Variants in FRMPD4 observed in about 807,000 individuals in gnomAD.
FRMPD4 encodes FERM and PDZ domain-containing protein 4.
Under a neutral mutation model 94.1 loss-of-function variants are expected in FRMPD4, and 22 were observed. That is an observed-to-expected ratio of 0.23 (90% CI 0.17 to 0.33). The LOEUF is 0.33. Among genes scored for constraint, FRMPD4 ranks in the 10% least tolerant of loss-of-function variants. The pLI is 1.00. For missense variants in FRMPD4, 1,111 were observed against 1,339.9 expected, an observed-to-expected ratio of 0.83 and a Z score of 2.67; for synonymous variants, 631 against 548.6, an observed-to-expected ratio of 1.15 and a Z score of -2.10.
chrX:11,834,979 TA>T (rs1164990882), intron 1 of FRMPD4, among the ~76,000 whole-genome samples: 10 of 112,258 alleles, frequency 8.9e-5, no homozygotes, highest in Admixed American at 8.5e-4. Flanking sequence ...GGATCTGTCA[TA>T]TTTTTTTAAT....
At chrX:12,010,540 G>A (rs2054575729) in intron 3 of FRMPD4, among the ~76,000 whole-genome samples, 1 of 112,114 alleles carries the variant, frequency 8.9e-6, no homozygotes, top group African/African-American at 3.2e-5. Context: ...GATTGTCTCT[G>A]TTTCTACTAC....
chrX:12,393,292 ATTCT>A (rs1009978048), intron 1 of FRMPD4, among the ~76,000 whole-genome samples: 2 of 112,320 alleles, frequency 1.8e-5, no homozygotes, highest in Non-Finnish European at 3.8e-5. Flanking sequence ...CCCCTTTTTA[ATTCT>A]TTCTGTTACT....
chrX:12,269,511 A>G (rs2054323425), intron 1 of FRMPD4, among the ~76,000 whole-genome samples: 1 of 111,987 alleles, frequency 8.9e-6, no homozygotes, highest in Non-Finnish European at 1.9e-5. Flanking sequence ...GATAGATACT[A>G]TTTCTGGCCA....
chrX:12,158,828 A>G (rs2055978017), intron 1 of FRMPD4, among the ~76,000 whole-genome samples: 1 of 111,875 alleles, frequency 8.9e-6, no homozygotes, highest in South Asian at 3.7e-4. Context: ...TACTGAGCAT[A>G]TTCCTAGGAG....
At chrX:12,142,874 T>C (rs1159675516) in intron 1 of FRMPD4, among the ~76,000 whole-genome samples, 3 of 111,903 alleles carry the variant, frequency 2.7e-5, no homozygotes, top group African/African-American at 9.7e-5. Context: ...CAGTGAAACT[T>C]ACTTGTACTT....
chrX:11,842,967 C>T lies in FRMPD4; in HGVS notation c.-161+20252C>T, dbSNP rs750431957. On this transcript the variant is annotated intron_variant, in intron 1 of 18. Transcript: ENST00000640291. ...AGGCCTTTGACGAAATTCAACAACG[C>T]TTCATGCTATATTTTTATTTTACTG... Among the ~76,000 whole-genome samples the T allele has an allele frequency of 8.1e-5, 9 of 111,799 alleles. No homozygotes were observed. In the South Asian group the frequency reaches 2.6e-3, roughly 32 times the overall value.
At chrX:11,879,883 A>C (rs2147312544) in intron 3 of FRMPD4, among the ~76,000 whole-genome samples, 1 of 112,116 alleles carries the variant, frequency 8.9e-6, no homozygotes, top group South Asian at 3.7e-4. Context: ...AATAAGGTCT[A>C]TAATTTTTAG....
chrX:12,552,481 A>G (rs1189498338), intron 2 of FRMPD4, among the ~76,000 whole-genome samples: 1 of 111,656 alleles, frequency 9.0e-6, no homozygotes, highest in Non-Finnish European at 1.9e-5. Context: ...CAATAACAAC[A>G]ATATATATTG....
At chrX:12,622,114 A>AAGGAG (rs1218035914) in intron 4 of FRMPD4, among the ~76,000 whole-genome samples, 6 of 49,253 alleles carry the variant, frequency 1.2e-4, no homozygotes, top group Admixed American at 6.8e-4. Context: ...GAGGAGAGGA[A>AAGGAG]AGGAGAGGAG....
In FRMPD4 at chrX:12,151,942, A is replaced by G. The variant is rs946762726; in HGVS notation, c.41+12930A>G. 1.2e-4 allele frequency among the ~76,000 whole-genome samples: 13 copies of G among 111,921 alleles called. No homozygotes were observed. In the East Asian group the frequency reaches 3.6e-3, roughly 31 times the overall value. On this transcript the variant is annotated intron_variant, in intron 1 of 16. Transcript: ENST00000675598. ...TAGTATACTGAGTATTTCAAAACCCATAAAAGACAGGAGGTAATCTGAGAT... is the reference window on the plus strand; with the variant it reads ...TAGTATACTGAGTATTTCAAAACCCGTAAAAGACAGGAGGTAATCTGAGAT...
intron 2 of FRMPD4, among the ~76,000 whole-genome samples, chrX:12,526,544 T>C (rs1380545111): frequency 8.9e-6 from 1 of 112,008 alleles, no homozygotes; most frequent in Non-Finnish European, 1.9e-5. Flanking sequence ...AGTAATCCTA[T>C]TGTCAGTTTC....
At chrX:12,636,748 G>C (rs559353630) in intron 4 of FRMPD4, among the ~76,000 whole-genome samples, 1 of 111,645 alleles carries the variant, frequency 9.0e-6, no homozygotes, top group South Asian at 3.7e-4. Context: ...ATATTTTTAA[G>C]TATCATTATC....
chrX:11,984,444 A>G (rs2054415915), intron 3 of FRMPD4, among the ~76,000 whole-genome samples: 1 of 112,216 alleles, frequency 8.9e-6, no homozygotes, highest in Non-Finnish European at 1.9e-5. Flanking sequence ...CTTCAAAGAG[A>G]CACTTCAGGA....
At chrX:12,136,890 AACACACAC>A (rs376427153), upstream of FRMPD4, among the ~76,000 whole-genome samples, 574 of 97,592 alleles carry the variant, frequency 5.9e-3, 2 homozygotes, top group Non-Finnish European at 9.4e-3. Context: ...TCTACGTTAA[AACACACAC>A]ACACACACAC....
intron 1 of FRMPD4, among the ~76,000 whole-genome samples, chrX:12,478,967 T>G (rs2057638118): frequency 8.9e-6 from 1 of 111,823 alleles, no homozygotes; most frequent in Non-Finnish European, 1.9e-5. Context: ...TTGCCTCATC[T>G]ATTACAATGG....
intron 1 of FRMPD4, among the ~76,000 whole-genome samples, chrX:12,403,527 G>C (rs1164668045): frequency 9.1e-6 from 1 of 109,916 alleles, no homozygotes; most frequent in East Asian, 2.9e-4. Context: ...TCATTTATTG[G>C]CTTGCTTACC....
At chrX:12,157,122 C>T (rs752579024) in intron 1 of FRMPD4, among the ~76,000 whole-genome samples, 3 of 112,122 alleles carry the variant, frequency 2.7e-5, no homozygotes, top group Non-Finnish European at 5.6e-5. Context: ...TGTGTGCATG[C>T]ACCCACATGC....
chrX:12,161,514 A>G (rs1025125896), intron 1 of FRMPD4, among the ~76,000 whole-genome samples: 1 of 112,075 alleles, frequency 8.9e-6, no homozygotes, highest in African/African-American at 3.2e-5. Flanking sequence ...TTTAATCAGC[A>G]TAACAACCCA....
intron 4 of FRMPD4, among the ~76,000 whole-genome samples, chrX:12,664,419 T>C (rs762305632): frequency 1.8e-5 from 2 of 112,084 alleles, no homozygotes; most frequent in Admixed American, 9.5e-5. Context: ...TGAAGAGGTG[T>C]TGAGTTTTAT....
Sources: allele counts gnomAD v4.1 joint callset (sites outside exome capture counted in the v4.1 genomes callset), GRCh38; gene constraint gnomAD v4.1.1; transcripts MANE v1.5; gene names NCBI Gene and HGNC (gene_info 2026-07-23, HGNC 2026-07-21).